Variants in SSBP2 observed in about 807,000 individuals in gnomAD.
SSBP2 encodes the protein single stranded DNA binding protein 2.
Under a neutral mutation model 61.8 loss-of-function variants are expected in SSBP2, and 17 were observed. The observed-to-expected ratio is 0.28, with a 90% CI of 0.19 to 0.41. The LOEUF (loss-of-function observed/expected upper bound fraction) is 0.41, where lower values mean the gene tolerates loss of function less well. Ranked by LOEUF, SSBP2 falls within the 10% of genes least tolerant of loss-of-function variation. The probability of loss-of-function intolerance (pLI) is 1.00; values close to 1 mark genes in which losing one functional copy is unlikely to be tolerated. For missense variants in SSBP2, 310 were observed against 458.7 expected (o/e 0.68, Z 2.96); for synonymous variants, 139 against 141.3 (o/e 0.98, Z 0.12).
chr5:81,651,038 A>G (rs893217902), intron 1 of SSBP2, among the ~76,000 whole-genome samples: 3 of 152,000 alleles, frequency 2.0e-5, no homozygotes, highest in African/African-American at 7.2e-5. Flanking sequence ...TACACAAACT[A>G]CTCTCATTAT....
Position 81,418,386 on chromosome 5 carries a change from T to C in SSBP2, c.*2118A>G, listed in dbSNP as rs1761410376. Reference sequence around the variant, plus strand: ...TGATAGTTTAAATCTGCAACATAAATTTAATTCAGCTTTTTTTTCTCAACA... The same window carrying C: ...TGATAGTTTAAATCTGCAACATAAACTTAATTCAGCTTTTTTTTCTCAACA... On this transcript the variant is annotated 3_prime_UTR_variant, in exon 17 of 17. Coordinates refer to ENST00000320672, the MANE Select transcript of SSBP2 (RefSeq NM_012446.5). 1 of 152,268 alleles carries C rather than the reference T, an allele frequency of 6.6e-6. No individual in the cohort carries two copies. The highest frequency in any genetic ancestry group is 2.4e-5 in the African/African-American group (1 of 41,474). 9.4% of individuals were successfully genotyped at this position (152,268 alleles called of 1,614,324 possible).
chr5:81,449,419 T>C (rs1232408870), intron 10 of SSBP2, among the ~76,000 whole-genome samples: 1 of 152,186 alleles, frequency 6.6e-6, no homozygotes, highest in Admixed American at 6.5e-5. Context: ...GTATGTATAT[T>C]AATAGGGAAA....
At chr5:81,625,677 A>G (rs745777168) in intron 3 of SSBP2, among the ~76,000 whole-genome samples, 11 of 151,914 alleles carry the variant, frequency 7.2e-5, no homozygotes, top group Non-Finnish European at 1.0e-4. Context: ...AAGATTCTCA[A>G]CCAAACACTG....
At chr5:81,683,570 T>C (rs1379343423) in intron 1 of SSBP2, among the ~76,000 whole-genome samples, 2 of 152,170 alleles carry the variant, frequency 1.3e-5, no homozygotes, top group African/African-American at 4.8e-5. Flanking sequence ...ACCTTGGATA[T>C]GGCAATGACT....
intron 1 of SSBP2, among the ~76,000 whole-genome samples, chr5:81,707,650 T>C (rs938930778): frequency 2.6e-5 from 4 of 152,138 alleles, no homozygotes. Context: ...ACAGCAGCCC[T>C]TGCAAACTAA....
Position 81,417,678 on chromosome 5 carries a change from C to T in SSBP2, c.*2826G>A, listed in dbSNP as rs898358519. 1.3e-5 allele frequency: 2 copies of T among 152,024 alleles called. No homozygotes were observed. The highest frequency in any genetic ancestry group is 4.8e-5 in the African/African-American group (2 of 41,410). The allele number at this position is 152,024 out of a possible 1,614,324, so 9.4% of individuals were successfully genotyped here. On this transcript the variant is annotated 3_prime_UTR_variant, in exon 17 of 17. Coordinates refer to ENST00000320672, the MANE Select transcript of SSBP2 (RefSeq NM_012446.5). ...CAAAATCTAAACAAAAATTAATATA[C>T]AGATATACTGTCTTCCATTCAGTGC...
intron 3 of SSBP2, among the ~76,000 whole-genome samples, chr5:81,634,033 T>G (rs898793743): frequency 3.9e-5 from 6 of 152,216 alleles, no homozygotes; most frequent in African/African-American, 1.4e-4. Flanking sequence ...CTAAATGGAC[T>G]TCCTCCTTGG....
At chr5:81,424,304 A>G (rs1761810291) in intron 16 of SSBP2, among the ~76,000 whole-genome samples, 1 of 152,076 alleles carries the variant, frequency 6.6e-6, no homozygotes, top group Non-Finnish European at 1.5e-5. Context: ...CACGCCTGTA[A>G]TCCCAGCTAC....
intron 9 of SSBP2, among the ~76,000 whole-genome samples, chr5:81,465,980 C>T (rs1008986831): frequency 7.2e-5 from 11 of 152,050 alleles, no homozygotes; most frequent in African/African-American, 2.6e-4. Context: ...ATGAAAATGG[C>T]TTCAGAAACT....
chr5:81,513,291 T>C (rs1411806591), intron 5 of SSBP2, among the ~76,000 whole-genome samples: 4 of 152,142 alleles, frequency 2.6e-5, no homozygotes, highest in Non-Finnish European at 5.9e-5. Flanking sequence ...TATGCTTGTA[T>C]AGTTAATATC....
chr5:81,585,266 C>T (rs146923038), intron 4 of SSBP2, among the ~76,000 whole-genome samples: 29 of 152,130 alleles, frequency 1.9e-4, no homozygotes, highest in African/African-American at 7.0e-4. Context: ...TTTTCTACCT[C>T]TCCTTATACT....
chr5:81,528,318 G>C (rs974454063), intron 4 of SSBP2, among the ~76,000 whole-genome samples: 6 of 152,014 alleles, frequency 3.9e-5, no homozygotes, highest in Non-Finnish European at 7.4e-5. Context: ...TCAAGTAAGT[G>C]TATCAAGTTC....
intron 1 of SSBP2, among the ~76,000 whole-genome samples, chr5:81,674,999 A>G (rs149800531): frequency 1.8e-3 from 274 of 152,316 alleles, no homozygotes; most frequent in African/African-American, 6.4e-3. Flanking sequence ...ATCTATTCCT[A>G]TATCTTTTAA....
At chr5:81,708,226 CT>C (rs1245851071) in intron 1 of SSBP2, among the ~76,000 whole-genome samples, 1 of 152,052 alleles carries the variant, frequency 6.6e-6, no homozygotes, top group East Asian at 1.9e-4. Flanking sequence ...CTTCAAGGAG[CT>C]CTCTCTACAG....
intron 6 of SSBP2, among the ~76,000 whole-genome samples, chr5:81,485,235 T>G (rs752431389): frequency 5.3e-5 from 8 of 152,202 alleles, no homozygotes; most frequent in Non-Finnish European, 1.2e-4. Context: ...CTTCTATGTT[T>G]CATGTTTCGT....
chr5:81,447,717 AT>A lies in SSBP2; in HGVS notation c.724-796del, dbSNP rs371589391. Among the ~76,000 whole-genome samples the A allele has an allele frequency of 3.5e-3, 540 of 152,318 alleles. 1 individual carries two copies. The highest frequency in any genetic ancestry group is 0.012 in the African/African-American group (494 of 41,578). Reference sequence around the variant, plus strand: ...GGGTGGTATGGCTATAGACCTGTCAATTATTTCAAATAATATCTGTATTTGC... The same window carrying A: ...GGGTGGTATGGCTATAGACCTGTCAATATTTCAAATAATATCTGTATTTGC... On this transcript the variant is annotated intron_variant, in intron 11 of 16. Coordinates refer to ENST00000320672, the MANE Select transcript of SSBP2 (RefSeq NM_012446.5).
chr5:81,502,812 A>G (rs1767896521), intron 5 of SSBP2, among the ~76,000 whole-genome samples: 2 of 152,222 alleles, frequency 1.3e-5, no homozygotes, highest in Admixed American at 1.3e-4. Flanking sequence ...AAAATTGACA[A>G]ATGGCATCTA....
rs1481150776 is a variant in SSBP2 at position 81,578,726 on chromosome 5, AGACT to A, written c.282+36743_282+36746del. On this transcript the variant is annotated intron_variant, in intron 4 of 16. Transcript: ENST00000320672. ...CCAGTAAAGGTAAATCACAAAAAGT[AGACT>A]GACAGCAAAAATGAGAAAAAAAGCA... Among the ~76,000 whole-genome samples the A allele has an allele frequency of 3.3e-5, 5 of 152,064 alleles. No homozygotes were observed. In the South Asian group the frequency reaches 8.3e-4, roughly 25 times the overall value.
At chr5:81,686,789 A>T (rs1752816855) in intron 1 of SSBP2, among the ~76,000 whole-genome samples, 1 of 148,692 alleles carries the variant, frequency 6.7e-6, no homozygotes, top group Non-Finnish European at 1.5e-5. Flanking sequence ...CAGGAGGTGA[A>T]GGTTGCGGTG....
Sources: gnomAD v4.1 joint callset for allele counts (sites outside exome capture counted in the v4.1 genomes callset) on GRCh38, gnomAD v4.1.1 for gene constraint, MANE v1.5 for transcripts, NCBI Gene and HGNC (gene_info 2026-07-23, HGNC 2026-07-21) for gene names.